Variants in USP34 observed in about 807,000 individuals in gnomAD.
The protein encoded by USP34 is ubiquitin carboxyl-terminal hydrolase 34.
Under a neutral mutation model 460.3 loss-of-function variants are expected in USP34, and 70 were observed. The observed-to-expected ratio is 0.15, with a 90% confidence interval of 0.13 to 0.19. The LOEUF (loss-of-function observed/expected upper bound fraction) is 0.19. USP34 is among the 10% of genes least tolerant of loss of function. USP34 has a pLI of 1.00. For missense variants in USP34, 3,985 were observed against 4,236.2 expected (o/e 0.94, Z 1.65); for synonymous variants, 1,647 against 1,405.3 (o/e 1.17, Z -3.85).
intron 25 of USP34, among the ~76,000 whole-genome samples, chr2:61,313,477 T>C (rs11680679): frequency 0.092 from 13,967 of 152,208 alleles, 894 homozygotes; most frequent in East Asian, 0.26. Flanking sequence ...AGTATGGGTA[T>C]CATTAACAGT....
chr2:61,423,073 G>T (rs1249629388), intron 1 of USP34, among the ~76,000 whole-genome samples: 3 of 152,080 alleles, frequency 2.0e-5, no homozygotes, highest in Non-Finnish European at 4.4e-5. Flanking sequence ...AAAGTTACAG[G>T]ATACAAATTC....
At chr2:61,330,852 ACTTT>A (rs1691238559) in intron 20 of USP34, among the ~76,000 whole-genome samples, 2 of 152,188 alleles carry the variant, frequency 1.3e-5, no homozygotes, top group South Asian at 4.1e-4. Context: ...CACGTCCTAA[ACTTT>A]CTAATACTAG....
Position 61,339,687 on chromosome 2 carries a change from GAGA to G in USP34, c.2501-9_2501-7del. The G allele has an allele frequency of 1.6e-6, 2 of 1,257,100 alleles. No homozygotes were observed. Among genetic ancestry groups the G allele is most frequent in the East Asian group, 2.8e-5 (1 of 35,554 alleles). 77.9% of individuals were successfully genotyped at this position (1,257,100 alleles called of 1,614,324 possible). ...ATGTTTATGAACTACAGGTCCTGAA[GAGA>G]AAAAAAAAAAAAAGACACACTATAG... On this transcript the variant is annotated splice_region_variant and splice_polypyrimidine_tract_variant and intron_variant, in intron 16 of 79. Transcript: ENST00000398571.
chr2:61,354,164 A>T (rs1692037685), intron 10 of USP34, among the ~76,000 whole-genome samples: 1 of 152,204 alleles, frequency 6.6e-6, no homozygotes, highest in Non-Finnish European at 1.5e-5. Flanking sequence ...ATGTTCAACA[A>T]ACTCCAAGGA....
At chr2:61,194,681 C>T (rs1291836432) in intron 75 of USP34, among the ~76,000 whole-genome samples, 5 of 152,294 alleles carry the variant, frequency 3.3e-5, no homozygotes, top group African/African-American at 9.6e-5. Context: ...TGGGGCCAGG[C>T]GCAGTGGCTC....
At chr2:61,265,790 GC>G (rs1282268380) in intron 42 of USP34, 193 bp downstream of exon 42, 1 of 698,160 alleles carries the variant, frequency 1.4e-6, no homozygotes, top group Non-Finnish European at 2.0e-6. Flanking sequence ...TACAGAAAAA[GC>G]CGAAGTATTT....
At chr2:61,386,982 T>C (rs925326585) in intron 5 of USP34, among the ~76,000 whole-genome samples, 3 of 152,058 alleles carry the variant, frequency 2.0e-5, no homozygotes, top group Admixed American at 6.6e-5. Context: ...GCAATACATA[T>C]ATCAAACAAA....
chr2:61,468,807 T>C (rs1695861033), intron 1 of USP34, among the ~76,000 whole-genome samples: 2 of 152,226 alleles, frequency 1.3e-5, no homozygotes, highest in Admixed American at 6.5e-5. Context: ...GTTTCCCAGA[T>C]AATCTTAAAT....
At chr2:61,218,350 G>C (rs1687464467) in intron 67 of USP34, among the ~76,000 whole-genome samples, 1 of 148,352 alleles carries the variant, frequency 6.7e-6, no homozygotes, top group Non-Finnish European at 1.5e-5. Flanking sequence ...CATGGGCAGA[G>C]TGCCCATGCC....
At chr2:61,421,809 G>GCA (rs975983520) in intron 1 of USP34, among the ~76,000 whole-genome samples, 4 of 152,048 alleles carry the variant, frequency 2.6e-5, no homozygotes, top group South Asian at 2.1e-4. Context: ...GCGCGCGCGC[G>GCA]CACCTTCTAC....
In USP34 at chr2:61,214,637, C is replaced by T. The variant is rs978245931; in HGVS notation, c.8105G>A (p.Arg2702Gln). 14 of 1,613,986 alleles carry T rather than the reference C, an allele frequency of 8.7e-6. No homozygotes were observed. Among genetic ancestry groups the T allele is most frequent in the East Asian group, 2.2e-5 (1 of 44,904 alleles). Reference sequence around the variant, plus strand: ...TGGGATGTGCAAAGACCTTGTTGACCGGAACATCTGACGGAATGAATTGCT... The same window carrying T: ...TGGGATGTGCAAAGACCTTGTTGACTGGAACATCTGACGGAATGAATTGCT... ...IPSNSFRQMF[R>Q]STRSLHIPTR... The change falls in exon 68 of 80, where the codon CGG (arginine) becomes CAG (glutamine). Residue 2702 changes from arginine (R) to glutamine (Q), a missense_variant. Transcript: ENST00000398571.
chr2:61,368,291 G>A (rs916643140), intron 10 of USP34, among the ~76,000 whole-genome samples: 2 of 152,160 alleles, frequency 1.3e-5, no homozygotes, highest in Non-Finnish European at 1.5e-5. Context: ...AATTAGCTGG[G>A]CGTGGTGGCG....
chr2:61,258,277 T>C (rs1688775386), intron 44 of USP34, among the ~76,000 whole-genome samples: 1 of 152,112 alleles, frequency 6.6e-6, no homozygotes, highest in Non-Finnish European at 1.5e-5. Context: ...TGAGACGAGA[T>C]GGTGCCACTG....
At chr2:61,265,177 G>C (rs1689011248) in intron 43 of USP34, 1 of 510,848 alleles carries the variant, frequency 2.0e-6, no homozygotes. Flanking sequence ...ATATTCCATA[G>C]CTGTGTTTTC....
Position 61,214,575 on chromosome 2 carries a change from C to T in USP34, c.8167G>A (p.Val2723Ile). The T allele has an allele frequency of 6.2e-7, 1 of 1,613,792 alleles. No homozygotes were observed. The highest frequency in any genetic ancestry group is 2.2e-5 in the East Asian group (1 of 44,882). Residue 2723 changes from valine to isoleucine, a missense_variant, in exon 68 of 80, where the codon GTC becomes ATC. Physicochemically the swap from Val to Ile is conservative, Grantham distance 29 (BLOSUM62 3). Coordinates refer to ENST00000398571, the MANE Select transcript of USP34 (RefSeq NM_014709.4). ...AGCACGTTGTAGACCTGATGTAGGACTACTGTTGTGTCTGGACTGAGTGGA... is the reference window on the plus strand; with the variant it reads ...AGCACGTTGTAGACCTGATGTAGGATTACTGTTGTGTCTGGACTGAGTGGA... ...DLPLSPDTTV[V>I]LHQVYNVLLG...
At chr2:61,374,610 T>TC (rs1158667852) in intron 8 of USP34, among the ~76,000 whole-genome samples, 1 of 126,406 alleles carries the variant, frequency 7.9e-6, no homozygotes, top group East Asian at 2.7e-4. Context: ...TCTGGAGACT[T>TC]CAATACTTTT....
At chr2:61,306,836 G>A (rs565990558) in intron 27 of USP34, among the ~76,000 whole-genome samples, 1 of 152,314 alleles carries the variant, frequency 6.6e-6, no homozygotes, top group African/African-American at 2.4e-5. Flanking sequence ...AGAGGATGTG[G>A]AGAAATAGGA....
chr2:61,310,262 A>C (rs141042899), intron 27 of USP34, among the ~76,000 whole-genome samples: 231 of 152,318 alleles, frequency 1.5e-3, no homozygotes, highest in Non-Finnish European at 2.2e-3. Flanking sequence ...GTATTTATCC[A>C]ACATACATGA....
intron 2 of USP34, among the ~76,000 whole-genome samples, chr2:61,418,940 T>A (rs993482157): frequency 1.3e-5 from 2 of 152,238 alleles, no homozygotes; most frequent in African/African-American, 4.8e-5. Flanking sequence ...TTTTAATTTA[T>A]ATTTCATTTT....
Sources: gnomAD v4.1 joint callset for allele counts (sites outside exome capture counted in the v4.1 genomes callset) on GRCh38, gnomAD v4.1.1 for gene constraint, MANE v1.5 for transcripts, NCBI Gene and HGNC (gene_info 2026-07-23, HGNC 2026-07-21) for gene names.